PRKG1: variants seen among roughly 807,000 people sequenced by gnomAD.
PRKG1 encodes the protein cGMP-dependent protein kinase 1.
Under a neutral mutation model 88.1 loss-of-function variants are expected in PRKG1, and 35 were observed. The ratio of observed to expected loss-of-function variants is 0.40; its 90% CI spans 0.30 to 0.53. The LOEUF (loss-of-function observed/expected upper bound fraction) is 0.53. Ranked by LOEUF, PRKG1 falls within the 20% of genes least tolerant of loss-of-function variation. The pLI, the probability that PRKG1 is intolerant of heterozygous loss-of-function variation, is 0.59. For synonymous variants in PRKG1, 303 were observed against 292.5 expected (o/e 1.04, Z -0.37); for missense variants, 540 against 839.8 (o/e 0.64, Z 4.41).
chr10:51,152,417 A>T (rs886072076), intron 1 of PRKG1, among the ~76,000 whole-genome samples: 1 of 152,096 alleles, frequency 6.6e-6, no homozygotes, highest in Non-Finnish European at 1.5e-5. Context: ...GAACTGTTGC[A>T]TTTCTACCAG....
chr10:51,608,072 G>C (rs1838812023), intron 3 of PRKG1, among the ~76,000 whole-genome samples: 1 of 152,170 alleles, frequency 6.6e-6, no homozygotes, highest in African/African-American at 2.4e-5. Flanking sequence ...CCTACTTGCT[G>C]TCGATTAAAT....
chr10:52,278,604 T>C (rs915145928), intron 12 of PRKG1, among the ~76,000 whole-genome samples: 3 of 152,082 alleles, frequency 2.0e-5, no homozygotes, highest in Non-Finnish European at 4.4e-5. Flanking sequence ...GTGGCACATA[T>C]ACACCATGGA....
rs929531491 is a variant in PRKG1 at position 51,601,239 on chromosome 10, A to G, written c.592+133403A>G. Among the ~76,000 whole-genome samples, 12 of 152,162 alleles carry G rather than the reference A, an allele frequency of 7.9e-5. 1 individual carries two copies. Among genetic ancestry groups the G allele is most frequent in the Admixed American group, 6.5e-5 (1 of 15,274 alleles). On this transcript the variant is annotated intron_variant, in intron 3 of 17. Coordinates refer to ENST00000373980, the MANE Select transcript of PRKG1 (RefSeq NM_006258.4). ...TTGGGACAGATTAGCTACTCCCCAT[A>G]TATTTATTGAATGAATGAATGAATC... is the stretch of plus-strand genomic sequence containing the variant.
intron 1 of PRKG1, among the ~76,000 whole-genome samples, chr10:51,083,514 G>T (rs1589139867): frequency 6.8e-6 from 1 of 146,068 alleles, no homozygotes; most frequent in East Asian, 2.0e-4. Flanking sequence ...GCCAGCTACA[G>T]TTTTTTTTTT....
At position 52,296,449 on chromosome 10, in the gene PRKG1, C is replaced by T. The variant is rs1250849022; in HGVS notation, c.*2549C>T. On this transcript the variant is annotated 3_prime_UTR_variant, in exon 18 of 18. Transcript: ENST00000373980. ...CCAAGATGTACCAACAGAAAACATT[C>T]GTCTAATTTTGTCAACATTGAATTT... 1.3e-5 allele frequency: 2 copies of T among 152,006 alleles called. No individual in the cohort carries two copies. Among genetic ancestry groups the T allele is most frequent in the South Asian group, 2.1e-4 (1 of 4,832 alleles). 9.4% of individuals were successfully genotyped at this position (152,006 alleles called of 1,614,324 possible).
chr10:51,239,268 A>G (rs967423310), intron 2 of PRKG1, among the ~76,000 whole-genome samples: 14 of 152,220 alleles, frequency 9.2e-5, no homozygotes, highest in Non-Finnish European at 2.1e-4. Flanking sequence ...GGAACATACG[A>G]AAACAATGCA....
chr10:51,771,003 C>T (rs113364215), intron 3 of PRKG1, among the ~76,000 whole-genome samples: 132 of 152,272 alleles, frequency 8.7e-4, no homozygotes, highest in African/African-American at 2.9e-3. Flanking sequence ...CACCCCTAGG[C>T]TTTATGGATA....
chr10:51,695,448 AATGTATTC>A (rs1381929886), intron 3 of PRKG1: 3 of 152,214 alleles, frequency 2.0e-5, no homozygotes, highest in African/African-American at 7.2e-5. Context: ...ACTTTTGTAT[AATGTATTC>A]ATTAAAAATA....
rs567773895 is a variant in PRKG1, at chr10:51,125,013, T to G, written c.312-28151T>G. Among the ~76,000 whole-genome samples the G allele has an allele frequency of 4.6e-5, 7 of 152,332 alleles. No homozygotes were observed. In the South Asian group the frequency reaches 1.4e-3, roughly 32 times the overall value. The stretch of plus-strand genomic sequence containing the variant: ...TGAGTCAACTTAGACATTCTCCATA[T>G]TGCTTTTAAAATATTGGCACTTGGC... On this transcript the variant is annotated intron_variant, in intron 1 of 17. Coordinates refer to ENST00000373980, the MANE Select transcript of PRKG1 (RefSeq NM_006258.4).
chr10:51,486,065 G>A (rs776617716), intron 3 of PRKG1, among the ~76,000 whole-genome samples: 4 of 152,042 alleles, frequency 2.6e-5, no homozygotes, highest in Non-Finnish European at 4.4e-5. Context: ...CGTTCATCTT[G>A]TAATCATTAA....
intron 4 of PRKG1, among the ~76,000 whole-genome samples, chr10:51,843,957 G>A (rs1006671144): frequency 1.3e-5 from 2 of 152,048 alleles, no homozygotes; most frequent in African/African-American, 4.8e-5. Context: ...GGAAGAAAAT[G>A]ATGTCTTCAT....
At chr10:51,032,444 T>A (rs113397834) in intron 1 of PRKG1, among the ~76,000 whole-genome samples, 5 of 152,084 alleles carry the variant, frequency 3.3e-5, no homozygotes, top group Non-Finnish European at 5.9e-5. Context: ...AGATAATGCA[T>A]GTGTTCAATG....
chr10:52,172,689 A>C (rs1472593074), intron 9 of PRKG1, among the ~76,000 whole-genome samples: 1 of 152,246 alleles, frequency 6.6e-6, no homozygotes, highest in Non-Finnish European at 1.5e-5. Context: ...TATAGCATGC[A>C]GCATAATTCT....
intron 2 of PRKG1, among the ~76,000 whole-genome samples, chr10:51,197,494 A>T (rs910960293): frequency 3.3e-5 from 5 of 151,918 alleles, no homozygotes; most frequent in Admixed American, 6.6e-5. Context: ...CTGATCTCAA[A>T]AACTCCTGAC....
chr10:51,605,361 G>T (rs1838736965), intron 3 of PRKG1, among the ~76,000 whole-genome samples: 1 of 152,132 alleles, frequency 6.6e-6, no homozygotes, highest in Non-Finnish European at 1.5e-5. Flanking sequence ...CCTCATTAGG[G>T]CTCCCTGCCC....
intron 3 of PRKG1, among the ~76,000 whole-genome samples, chr10:51,690,219 G>A (rs1841102238): frequency 6.6e-6 from 1 of 152,092 alleles, no homozygotes; most frequent in Non-Finnish European, 1.5e-5. Flanking sequence ...ATGGGGGATG[G>A]TGATAAACTA....
intron 9 of PRKG1, among the ~76,000 whole-genome samples, chr10:52,242,624 C>T (rs1205666347): frequency 2.6e-5 from 4 of 152,098 alleles, no homozygotes; most frequent in Non-Finnish European, 4.4e-5. Context: ...TGGCCAGGCA[C>T]GGTGCCTCAC....
intron 2 of PRKG1, among the ~76,000 whole-genome samples, chr10:51,341,490 C>A (rs1399504942): frequency 1.3e-5 from 2 of 152,128 alleles, no homozygotes; most frequent in East Asian, 3.9e-4. Flanking sequence ...CTTTAAGGAT[C>A]CCTAACTTCT....
intron 2 of PRKG1, among the ~76,000 whole-genome samples, chr10:51,385,730 C>G (rs1837232797): frequency 6.6e-6 from 1 of 152,106 alleles, no homozygotes; most frequent in Non-Finnish European, 1.5e-5. Flanking sequence ...TTTTAGCCAC[C>G]CAGACTCTGA....
Sources: allele counts gnomAD v4.1 joint callset (sites outside exome capture counted in the v4.1 genomes callset), GRCh38; gene constraint gnomAD v4.1.1; transcripts MANE v1.5; gene names NCBI Gene and HGNC (gene_info 2026-07-23, HGNC 2026-07-21).